NAE1: variants seen among roughly 807,000 people sequenced by gnomAD.
NAE1 encodes the protein NEDD8 activating enzyme E1 subunit 1.
NAE1 carries 59 observed loss-of-function variants against 88.0 expected under a neutral mutation model. The ratio of observed to expected loss-of-function variants is 0.67; its 90% CI spans 0.54 to 0.83. The LOEUF (loss-of-function observed/expected upper bound fraction) is 0.83. Among genes scored for constraint, NAE1 ranks in the 40% least tolerant of loss-of-function variants. NAE1 has a pLI of 0.00. For missense variants in NAE1, 554 were observed against 632.8 expected, an observed-to-expected ratio of 0.88 and a Z score of 1.34; for synonymous variants, 186 against 208.9, an observed-to-expected ratio of 0.89 and a Z score of 0.95.
At chr16:66,830,000 C>A (rs1040384410) in intron 1 of NAE1, among the ~76,000 whole-genome samples, 1 of 152,188 alleles carries the variant, frequency 6.6e-6, no homozygotes, top group Admixed American at 6.5e-5. Flanking sequence ...ATTCTCCAGC[C>A]TCAGCCTCCA....
At chr16:66,806,585 C>CA (rs1282521325) in intron 17 of NAE1, among the ~76,000 whole-genome samples, 4 of 152,108 alleles carry the variant, frequency 2.6e-5, no homozygotes, top group Non-Finnish European at 5.9e-5. Flanking sequence ...CCACCACACA[C>CA]AGCTAATTTT....
At chr16:66,823,082 A>AGCTC (rs1960333513) in intron 6 of NAE1, 145 bp downstream of exon 6, 8 of 418,918 alleles carry the variant, frequency 1.9e-5, no homozygotes, top group Admixed American at 4.7e-5. Flanking sequence ...AGCTCAAAAA[A>AGCTC]AAAAAAAAAA....
At position 66,826,762 on chromosome 16, in the gene NAE1, C is replaced by A; in HGVS notation, c.72G>T (p.Gly24=). 6.2e-7 allele frequency: 1 copy of A among 1,613,384 alleles called. No individual in the cohort carries two copies. Among genetic ancestry groups the A allele is most frequent in the Admixed American group, 1.7e-5 (1 of 59,874 alleles). ...CATGAGCAGATTCTAAAGCCTCTTG[C>A]CCATGATCACCCCACAACCTACAAA... ...DRQLRLWGDH[G]QEALESAHVC... The change falls in exon 2 of 20, where the codon GGG becomes GGT. Residue 24 remains glycine (G), a synonymous_variant. Coordinates refer to ENST00000290810, the MANE Select transcript of NAE1 (RefSeq NM_003905.4).
intron 17 of NAE1, among the ~76,000 whole-genome samples, chr16:66,806,305 T>C (rs1352429237): frequency 6.6e-6 from 1 of 152,262 alleles, no homozygotes; most frequent in Non-Finnish European, 1.5e-5. Context: ...AATTATTTGA[T>C]AGAAGAACTT....
At position 66,805,989 on chromosome 16, in the gene NAE1, C is replaced by A; in HGVS notation, c.1368G>T (p.Lys456Asn). 6.2e-7 allele frequency: 1 copy of A among 1,613,326 alleles called. No individual in the cohort carries two copies. Among genetic ancestry groups the A allele is most frequent in the Non-Finnish European group, 8.5e-7 (1 of 1,179,728 alleles). Reference sequence around the variant, plus strand: ...GGAAGCCAGTGAGACAAGACTTCAACTTTCCTATATCTTCTTCAACTTGAT... The same window carrying A: ...GGAAGCCAGTGAGACAAGACTTCAAATTTCCTATATCTTCTTCAACTTGAT... ...SNYQVEEDIG[K>N]LKSCLTGFLQ... Residue 456 changes from lysine to asparagine, a missense_variant, in exon 18 of 20, where the codon AAG becomes AAT. By Grantham distance (94) the Lys-to-Asn change is moderately conservative. Coordinates refer to ENST00000290810, the MANE Select transcript of NAE1 (RefSeq NM_003905.4).
At chr16:66,828,097 C>A in intron 1 of NAE1, 1 of 1,575,384 alleles carries the variant, frequency 6.3e-7, no homozygotes. Context: ...CCAGATGGAC[C>A]GTAAACGCCT....
At chr16:66,804,130 G>T (rs1191743097) in intron 19 of NAE1, among the ~76,000 whole-genome samples, 1 of 151,900 alleles carries the variant, frequency 6.6e-6, no homozygotes, top group African/African-American at 2.4e-5. Context: ...TTTTAAATAG[G>T]AGAGTCAGGG....
At chr16:66,821,349 C>T in intron 7 of NAE1, 101 bp downstream of exon 7, 3 of 1,354,298 alleles carry the variant, frequency 2.2e-6, no homozygotes, top group Non-Finnish European at 9.6e-7. Context: ...TGTGCTGCTA[C>T]AAATTTACTT....
chr16:66,829,228 T>TA (rs1960596243), intron 1 of NAE1, among the ~76,000 whole-genome samples: 1 of 152,222 alleles, frequency 6.6e-6, no homozygotes, highest in African/African-American at 2.4e-5. Context: ...CCTCTTTTGT[T>TA]AGAGTTGCTT....
chr16:66,821,493 A>T lies in NAE1; in HGVS notation c.468T>A (p.Tyr156Ter). The T allele has an allele frequency of 6.2e-7, 1 of 1,604,384 alleles. No individual in the cohort carries two copies. The highest frequency in any genetic ancestry group is 2.2e-5 in the East Asian group (1 of 44,506). The stretch of plus-strand genomic sequence containing the variant: ...TGATCCTCATATAACCAACTAGTCC[A>T]TATGTCCTACAGATCAAAAGAGGAA... ...SQIPLLICRT[Y>*]GLVGYMRIII... Residue 156 changes from tyrosine (Y) to a stop codon, truncating the protein, a stop_gained, in exon 7 of 20, where the codon TAT becomes TAA. Transcript: ENST00000290810. LOFTEE classifies it high-confidence loss of function.
At chr16:66,816,911 T>G in intron 10 of NAE1, 54 bp downstream of exon 10, 4 of 1,556,322 alleles carry the variant, frequency 2.6e-6, no homozygotes, top group Non-Finnish European at 2.6e-6. Context: ...AGTACCTGCC[T>G]CTAGCAATTT....
intron 13 of NAE1, among the ~76,000 whole-genome samples, chr16:66,811,219 G>T (rs117712049): frequency 6.6e-6 from 1 of 152,122 alleles, no homozygotes; most frequent in Non-Finnish European, 1.5e-5. Flanking sequence ...GTACAGTGGC[G>T]CAGTCCTGGC....
Position 66,821,472 on chromosome 16 carries a change from C to T in NAE1, c.489G>A (p.Arg163=). Residue 163 remains arginine (R), a synonymous_variant, in exon 7 of 20, where the codon AGG becomes AGA. Coordinates refer to ENST00000290810, the MANE Select transcript of NAE1 (RefSeq NM_003905.4). Reference sequence around the variant, plus strand: ...TACCTGGATGTTCTTTTATAATGATCCTCATATAACCAACTAGTCCATATG... The same window carrying T: ...TACCTGGATGTTCTTTTATAATGATTCTCATATAACCAACTAGTCCATATG... The part of the protein sequence containing the change: ...CRTYGLVGYM[R]IIIKEHPVIE... 2.5e-6 allele frequency: 4 copies of T among 1,579,790 alleles called. No homozygotes were observed. Among genetic ancestry groups the T allele is most frequent in the Non-Finnish European group, 3.4e-6 (4 of 1,166,324 alleles).
Position 66,826,712 on chromosome 16 carries a change from G to A in NAE1, c.122C>T (p.Thr41Ile), listed in dbSNP as rs1321739604. The A allele has an allele frequency of 3.1e-6, 5 of 1,614,050 alleles. No homozygotes were observed. The highest frequency in any genetic ancestry group is 1.1e-5 in the South Asian group (1 of 91,076). The change falls in exon 2 of 20, where the codon ACA becomes ATA. Residue 41 changes from threonine (T) to isoleucine (I), a missense_variant. Transcript: ENST00000290810. ...AHVCLINATATGTEILKNLVL... is the reference protein window; with the variant it reads ...AHVCLINATAIGTEILKNLVL... ...CAAGTTTTTAAGAATTTCAGTTCCT[G>A]TGGCTGTTGCATTTATTAGGCAAAC...
At chr16:66,829,580 G>A (rs1435817828) in intron 1 of NAE1, among the ~76,000 whole-genome samples, 1 of 152,178 alleles carries the variant, frequency 6.6e-6, no homozygotes, top group African/African-American at 2.4e-5. Context: ...GGCTGGTGGC[G>A]CAAACAGAAG....
At chr16:66,817,533 C>A (rs1367687909) in intron 8 of NAE1, 46 bp from the exon 9 acceptor site, 3 of 1,273,274 alleles carry the variant, frequency 2.4e-6, no homozygotes, top group Admixed American at 2.4e-5. Context: ...ATTATGAATT[C>A]TTCACTGTAC....
At chr16:66,813,460 G>A in intron 13 of NAE1, 104 bp downstream of exon 13, 4 of 1,340,696 alleles carry the variant, frequency 3.0e-6, no homozygotes, top group East Asian at 2.3e-5. Flanking sequence ...TATAAGCAAT[G>A]AGGTTGTAAT....
intron 19 of NAE1, among the ~76,000 whole-genome samples, chr16:66,805,296 A>G (rs1454618930): frequency 6.6e-6 from 1 of 152,096 alleles, no homozygotes; most frequent in Non-Finnish European, 1.5e-5. Context: ...AGTGTTATGT[A>G]TATTGGTGGG....
At chr16:66,815,014 C>A (rs1481188050) in intron 11 of NAE1, among the ~76,000 whole-genome samples, 9 of 152,232 alleles carry the variant, frequency 5.9e-5, no homozygotes, top group Admixed American at 2.6e-4. Flanking sequence ...CTGCGTGTCA[C>A]TTCACTCAGG....
Sources: allele counts gnomAD v4.1 joint callset (sites outside exome capture counted in the v4.1 genomes callset), GRCh38; gene constraint gnomAD v4.1.1; transcripts MANE v1.5; gene names NCBI Gene and HGNC (gene_info 2026-07-23, HGNC 2026-07-21).